TMEM196: variants seen among roughly 807,000 people sequenced by gnomAD.
TMEM196 encodes the protein transmembrane protein 196.
TMEM196 carries 17 observed loss-of-function variants against 20.0 expected under a neutral mutation model. The observed-to-expected ratio is 0.85, with a 90% CI of 0.58 to 1.27. The LOEUF (loss-of-function observed/expected upper bound fraction) is 1.27, where lower values mean the gene tolerates loss of function less well. TMEM196 is among the 50% of genes most tolerant of loss of function. The probability of loss-of-function intolerance (pLI) is 0.00; values close to 1 mark genes in which losing one functional copy is unlikely to be tolerated. For missense variants in TMEM196, 267 were observed against 223.0 expected, an observed-to-expected ratio of 1.20 and a Z score of -1.26; for synonymous variants, 113 against 88.9, an observed-to-expected ratio of 1.27 and a Z score of -1.52.
intron 1 of TMEM196, among the ~76,000 whole-genome samples, chr7:19,757,337 CTTTTTTTTTT>C (rs59859025): frequency 1.4e-5 from 1 of 70,874 alleles, no homozygotes; most frequent in Admixed American, 1.9e-4. Flanking sequence ...CCACACCCAG[CTTTTTTTTTT>C]TTTTTTTTTT....
intron 1 of TMEM196, among the ~76,000 whole-genome samples, chr7:19,754,372 T>C (rs1025757371): frequency 1.3e-5 from 2 of 152,200 alleles, no homozygotes; most frequent in East Asian, 1.9e-4. Flanking sequence ...AAGTGCTTCA[T>C]TCAAAGTTAG....
chr7:19,752,871 C>T (rs1465718018), intron 1 of TMEM196, among the ~76,000 whole-genome samples: 1 of 152,078 alleles, frequency 6.6e-6, no homozygotes, highest in Non-Finnish European at 1.5e-5. Context: ...CCTCAGCCTC[C>T]CAAAGTGCTG....
chr7:19,744,378 C>G (rs1336516685), intron 1 of TMEM196, among the ~76,000 whole-genome samples: 1 of 152,132 alleles, frequency 6.6e-6, no homozygotes, highest in Non-Finnish European at 1.5e-5. Context: ...AACTTATACT[C>G]TCTACAGAGC....
In TMEM196 at chr7:19,721,063, T is replaced by C. The variant is rs1386136602; in HGVS notation, c.*1065A>G. 6.6e-6 allele frequency: 1 copy of C among 151,898 alleles called. No homozygotes were observed. The highest frequency in any genetic ancestry group is 1.5e-5 in the Non-Finnish European group (1 of 67,808). 9.4% of individuals were successfully genotyped at this position (151,898 alleles called of 1,614,324 possible). ...CATAGTGAAATAGTCAAATAAGTAG[T>C]CTATCTGTATACTACACTATTCAGA... On this transcript the variant is annotated 3_prime_UTR_variant, in exon 5 of 5. Transcript: ENST00000405844.
intron 1 of TMEM196, among the ~76,000 whole-genome samples, chr7:19,767,292 C>T (rs998285112): frequency 6.6e-6 from 1 of 152,028 alleles, no homozygotes; most frequent in Non-Finnish European, 1.5e-5. Context: ...CATGGTATGG[C>T]CCCCTGAATA....
In TMEM196 at chr7:19,744,395, A is replaced by G. The variant is rs535761479; in HGVS notation, c.148-14957T>C. On this transcript the variant is annotated intron_variant, in intron 1 of 4. Coordinates refer to ENST00000405844, the MANE Select transcript of TMEM196 (RefSeq NM_001363562.2). ...CTTATACTCTCTACAGAGCCAGACA[A>G]TAGGTGCTGGTTCTTAAAGAAGCAA... Among the ~76,000 whole-genome samples, 4 of 152,290 alleles carry G rather than the reference A, an allele frequency of 2.6e-5. No homozygotes were observed. The East Asian group carries it at 7.7e-4, about 29-fold the overall frequency.
chr7:19,771,832 T>C (rs760037125), intron 1 of TMEM196, among the ~76,000 whole-genome samples: 22 of 152,220 alleles, frequency 1.4e-4, no homozygotes, highest in Non-Finnish European at 2.6e-4. Context: ...TCTGAGCAGT[T>C]AGGTACTCTG....
chr7:19,770,324 TA>T (rs763398566), intron 1 of TMEM196, among the ~76,000 whole-genome samples: 3 of 152,168 alleles, frequency 2.0e-5, no homozygotes, highest in Non-Finnish European at 4.4e-5. Context: ...GTATTGGTAG[TA>T]AATGGTAAAA....
At chr7:19,760,418 T>C (rs1256800461) in intron 1 of TMEM196, among the ~76,000 whole-genome samples, 1 of 138,744 alleles carries the variant, frequency 7.2e-6, no homozygotes, top group East Asian at 2.5e-4. Context: ...TGGAGTGCAG[T>C]GACATGATCT....
intron 1 of TMEM196, among the ~76,000 whole-genome samples, chr7:19,760,582 A>T (rs1225823388): frequency 6.6e-6 from 1 of 151,888 alleles, no homozygotes; most frequent in Non-Finnish European, 1.5e-5. Flanking sequence ...GCTGGTCTCA[A>T]ACTCCCAACC....
At chr7:19,727,718 A>G (rs1784051166) in intron 2 of TMEM196, among the ~76,000 whole-genome samples, 1 of 152,170 alleles carries the variant, frequency 6.6e-6, no homozygotes. Flanking sequence ...GAAAGCAGAC[A>G]ATACCTTTAG....
chr7:19,769,699 G>A (rs1466188776), intron 1 of TMEM196, among the ~76,000 whole-genome samples: 1 of 150,328 alleles, frequency 6.7e-6, no homozygotes, highest in Non-Finnish European at 1.5e-5. Flanking sequence ...GAAAATATTT[G>A]GGAAAAAAAA....
At chr7:19,756,235 T>C (rs1001772965) in intron 1 of TMEM196, among the ~76,000 whole-genome samples, 2 of 152,070 alleles carry the variant, frequency 1.3e-5, no homozygotes, top group African/African-American at 2.4e-5. Flanking sequence ...TAATCTAATA[T>C]ATAAAAAGTA....
intron 1 of TMEM196, among the ~76,000 whole-genome samples, chr7:19,746,707 A>G (rs755559890): frequency 6.6e-5 from 10 of 152,196 alleles, no homozygotes; most frequent in Non-Finnish European, 1.5e-4. Flanking sequence ...ATAACTCTTT[A>G]TGGTTTGTAT....
chr7:19,742,824 AAGGGAGC>A (rs1320384663), intron 1 of TMEM196, among the ~76,000 whole-genome samples: 9 of 152,178 alleles, frequency 5.9e-5, no homozygotes, highest in Non-Finnish European at 1.3e-4. Context: ...AAGAGTCCTG[AAGGGAGC>A]AGCAATTGAT....
At chr7:19,744,258 T>C (rs1337352108) in intron 1 of TMEM196, among the ~76,000 whole-genome samples, 1 of 152,216 alleles carries the variant, frequency 6.6e-6, no homozygotes, top group Non-Finnish European at 1.5e-5. Flanking sequence ...TTTCACTGAT[T>C]CATTTATTCA....
At chr7:19,726,046 T>C (rs1414406252) in intron 2 of TMEM196, among the ~76,000 whole-genome samples, 1 of 152,218 alleles carries the variant, frequency 6.6e-6, no homozygotes, top group Non-Finnish European at 1.5e-5. Context: ...ATGAAAACTC[T>C]GAAGCAAACA....
chr7:19,722,439 AAAG>A (rs1783845622), intron 4 of TMEM196, among the ~76,000 whole-genome samples: 1 of 152,126 alleles, frequency 6.6e-6, no homozygotes, highest in East Asian at 1.9e-4. Flanking sequence ...CCTCACCTAG[AAAG>A]AAGAAGATGG....
intron 1 of TMEM196, among the ~76,000 whole-genome samples, chr7:19,750,322 T>A (rs1295593029): frequency 3.9e-5 from 6 of 152,208 alleles, no homozygotes; most frequent in African/African-American, 1.2e-4. Flanking sequence ...TATCAAAACA[T>A]CACATTGTAG....
Sources: gnomAD v4.1 joint callset for allele counts (sites outside exome capture counted in the v4.1 genomes callset) on GRCh38, gnomAD v4.1.1 for gene constraint, MANE v1.5 for transcripts, NCBI Gene and HGNC (gene_info 2026-07-23, HGNC 2026-07-21) for gene names.